ADGRL2: variants seen among roughly 807,000 people sequenced by gnomAD.
ADGRL2 encodes the protein calcium-independent alpha-latrotoxin receptor 2.
Under a neutral mutation model 157.4 loss-of-function variants are expected in ADGRL2, and 44 were observed. The observed-to-expected ratio is 0.28, with a 90% CI of 0.22 to 0.36. ADGRL2 has a LOEUF of 0.36. Among genes scored for constraint, ADGRL2 ranks in the 10% least tolerant of loss-of-function variants. ADGRL2 has a pLI of 1.00. For missense variants in ADGRL2, 1,510 were observed against 1,768.9 expected (o/e 0.85, Z 2.63); for synonymous variants, 585 against 624.7 (o/e 0.94, Z 0.95).
At chr1:81,406,788 A>T (rs1326147588) in intron 1 of ADGRL2, among the ~76,000 whole-genome samples, 2 of 152,102 alleles carry the variant, frequency 1.3e-5, no homozygotes, top group Non-Finnish European at 1.5e-5. Flanking sequence ...AATCAGCAAC[A>T]TCTGCGATAT....
At chr1:81,987,582 G>T (rs527540236) in intron 22 of ADGRL2, among the ~76,000 whole-genome samples, 3 of 151,624 alleles carry the variant, frequency 2.0e-5, no homozygotes, top group Admixed American at 6.6e-5. Flanking sequence ...TTTAATTGGG[G>T]GAGGGGGAAA....
At chr1:81,786,916 T>A (rs1271178887) in intron 2 of ADGRL2, among the ~76,000 whole-genome samples, 8 of 152,242 alleles carry the variant, frequency 5.3e-5, no homozygotes, top group Admixed American at 5.2e-4. Flanking sequence ...AATCTCATCT[T>A]GAATTGTACT....
At chr1:81,319,213 C>T (rs1167345638) in intron 1 of ADGRL2, among the ~76,000 whole-genome samples, 1 of 151,948 alleles carries the variant, frequency 6.6e-6, no homozygotes, top group Non-Finnish European at 1.5e-5. Context: ...TCCCAAAGTG[C>T]TGGGATTACA....
intron 1 of ADGRL2, among the ~76,000 whole-genome samples, chr1:81,813,514 C>T (rs571126302): frequency 1.8e-4 from 28 of 151,614 alleles, no homozygotes; most frequent in African/African-American, 6.8e-4. Flanking sequence ...AAGTAGTATT[C>T]TCTCAGCGTG....
chr1:81,943,253 A>G lies in ADGRL2; in HGVS notation c.694A>G (p.Asn232Asp). ...AVFFNKERTR[N>D]IVKFDLRTRI... ...CTTCTTTAACAAAGAAAGAACGAGG[A>G]ATATTGTGAAATTTGACTTGAGGAC... The change falls in exon 6 of 24, where the codon AAT becomes GAT. Residue 232 changes from asparagine (N) to aspartate (D), a missense_variant. By Grantham distance (23) the Asn-to-Asp change is conservative (BLOSUM62 1). Around this residue, in one of 4 missense-constraint regions of ADGRL2, gnomAD observed 361 missense variants for 498.4 expected, o/e 0.72. Transcript: ENST00000686636. The surrounding 1 kb of genome is among the most constrained non-coding windows in gnomAD (Gnocchi z 5.6). The G allele has an allele frequency of 6.2e-7, 1 of 1,613,644 alleles. No homozygotes were observed. The highest frequency in any genetic ancestry group is 8.5e-7 in the Non-Finnish European group (1 of 1,179,696).
At chr1:81,859,951 C>T (rs2093338257) in intron 2 of ADGRL2, among the ~76,000 whole-genome samples, 2 of 151,596 alleles carry the variant, frequency 1.3e-5, no homozygotes, top group South Asian at 2.1e-4. Flanking sequence ...ACGGGCCAGG[C>T]GTGGTAGCTC....
intron 2 of ADGRL2, among the ~76,000 whole-genome samples, chr1:81,897,401 A>G (rs2094410736): frequency 1.3e-5 from 2 of 152,166 alleles, no homozygotes; most frequent in Admixed American, 6.5e-5. Flanking sequence ...TATTTTTAAT[A>G]GATGTGCTTA....
chr1:81,850,247 GAAGTT>G (rs754554530), intron 2 of ADGRL2, among the ~76,000 whole-genome samples: 16 of 151,866 alleles, frequency 1.1e-4, no homozygotes, highest in Non-Finnish European at 1.9e-4. Context: ...TGTAGTGAGT[GAAGTT>G]AAGAGGCAGC....
intron 1 of ADGRL2, among the ~76,000 whole-genome samples, chr1:81,700,124 G>T (rs2083531405): frequency 6.6e-6 from 1 of 152,184 alleles, no homozygotes; most frequent in South Asian, 2.1e-4. Flanking sequence ...CCTACATGAT[G>T]ATGTTTTAGT....
At chr1:81,718,385 T>C (rs1368658172) in intron 1 of ADGRL2, among the ~76,000 whole-genome samples, 1 of 152,108 alleles carries the variant, frequency 6.6e-6, no homozygotes, top group Non-Finnish European at 1.5e-5. Flanking sequence ...AAATTAAAAG[T>C]ATGATGATCT....
intron 2 of ADGRL2, among the ~76,000 whole-genome samples, chr1:81,538,921 T>C (rs2079812052): frequency 6.8e-6 from 1 of 146,852 alleles, no homozygotes; most frequent in African/African-American, 2.5e-5. Flanking sequence ...GGTTGGGGGA[T>C]GGCTTGAGCC....
At chr1:81,824,756 A>G (rs1230616584) in intron 1 of ADGRL2, among the ~76,000 whole-genome samples, 1 of 152,156 alleles carries the variant, frequency 6.6e-6, no homozygotes, top group Non-Finnish European at 1.5e-5. Context: ...TAAACTATCA[A>G]GTTTATTCTG....
intron 2 of ADGRL2, among the ~76,000 whole-genome samples, chr1:81,475,904 C>T (rs770818089): frequency 1.2e-4 from 19 of 152,246 alleles, no homozygotes; most frequent in South Asian, 2.1e-4. Flanking sequence ...ATCTCTGCCA[C>T]GGGGGCAAGT....
chr1:81,861,056 G>A (rs1396823000), intron 2 of ADGRL2, among the ~76,000 whole-genome samples: 10 of 130,604 alleles, frequency 7.7e-5, no homozygotes, highest in African/African-American at 2.3e-4. Flanking sequence ...TGCTCTTGTC[G>A]CCCAGGCTGG....
At chr1:81,803,705 C>T (rs551103100) in intron 1 of ADGRL2, among the ~76,000 whole-genome samples, 4 of 152,254 alleles carry the variant, frequency 2.6e-5, no homozygotes, top group South Asian at 2.1e-4. Context: ...CAGCTACCAA[C>T]CATATGGTTC....
chr1:81,804,911 TAAA>T (rs1372205579), intron 1 of ADGRL2, among the ~76,000 whole-genome samples: 1 of 152,136 alleles, frequency 6.6e-6, no homozygotes, highest in Non-Finnish European at 1.5e-5. Context: ...ATGTGCTAAA[TAAA>T]TAGGGAAAAA....
chr1:81,493,013 TA>T (rs1159108122), intron 2 of ADGRL2, among the ~76,000 whole-genome samples: 1 of 152,202 alleles, frequency 6.6e-6, no homozygotes, highest in Non-Finnish European at 1.5e-5. Flanking sequence ...CATAAAACTA[TA>T]GGTAAGTGAT....
chr1:81,435,951 C>T (rs2077401681), intron 1 of ADGRL2, among the ~76,000 whole-genome samples: 2 of 152,100 alleles, frequency 1.3e-5, no homozygotes, highest in Middle Eastern at 3.4e-3. Flanking sequence ...ACAAAATTAG[C>T]CGGGCGTGGT....
At chr1:81,494,730 T>C (rs936077275) in intron 2 of ADGRL2, among the ~76,000 whole-genome samples, 2 of 152,114 alleles carry the variant, frequency 1.3e-5, no homozygotes, top group African/African-American at 4.8e-5. Context: ...TCTTTACAAT[T>C]TTACTTGATT....
Sources: allele counts gnomAD v4.1 joint callset (sites outside exome capture counted in the v4.1 genomes callset), GRCh38; gene constraint gnomAD v4.1.1; regional missense constraint gnomAD v4.1.1; non-coding constraint Gnocchi (gnomAD v3.1); transcripts MANE v1.5; gene names NCBI Gene and HGNC (gene_info 2026-07-23, HGNC 2026-07-21).